LIN28B: variants seen among roughly 807,000 people sequenced by gnomAD.
The protein encoded by LIN28B is lin-28 RNA binding posttranscriptional regulator B, also known as protein lin-28 homolog B.
LIN28B carries 5 observed loss-of-function variants against 21.9 expected under a neutral mutation model. That is an observed-to-expected ratio of 0.23 (90% CI 0.12 to 0.48). The LOEUF (loss-of-function observed/expected upper bound fraction) is 0.48, where lower values mean the gene tolerates loss of function less well. LIN28B is among the 20% of genes least tolerant of loss of function. The pLI, the probability that LIN28B is intolerant of heterozygous loss-of-function variation, is 0.98. For missense variants in LIN28B, 245 were observed against 310.5 expected (o/e 0.79, Z 1.58); for synonymous variants, 109 against 111.3 (o/e 0.98, Z 0.13).
intron 2 of LIN28B, among the ~76,000 whole-genome samples, chr6:105,011,072 G>A (rs897155111): frequency 2.6e-5 from 4 of 152,130 alleles, no homozygotes; most frequent in African/African-American, 9.7e-5. Flanking sequence ...ACTCTCCTTT[G>A]TTCCAGAGTA....
At chr6:104,993,919 T>C (rs1311670480) in intron 2 of LIN28B, among the ~76,000 whole-genome samples, 2 of 152,110 alleles carry the variant, frequency 1.3e-5, no homozygotes, top group Non-Finnish European at 2.9e-5. Flanking sequence ...CCAATCATCT[T>C]AGAAAGTTAC....
At chr6:105,035,044 G>A (rs1771497761) in intron 3 of LIN28B, among the ~76,000 whole-genome samples, 1 of 151,654 alleles carries the variant, frequency 6.6e-6, no homozygotes, top group Non-Finnish European at 1.5e-5. Flanking sequence ...CATTATCTCA[G>A]TGGTATAATT....
chr6:105,020,155 C>G lies in LIN28B; in HGVS notation c.199-6143C>G, dbSNP rs1582899484. 2.1e-5 allele frequency among the ~76,000 whole-genome samples: 3 copies of G among 143,148 alleles called. No individual in the cohort carries two copies. The Admixed American group carries it at 2.1e-4, about 10-fold the overall frequency. 93.9% of individuals were successfully genotyped at this position (143,148 alleles called of 152,430 possible). ...TTGAGAATGGGTCTTGCTCTGTTGC[C>G]CAGGTTGGAGTGCAGTGGCGTAATC... On this transcript the variant is annotated intron_variant, in intron 2 of 3. Transcript: ENST00000345080.
At chr6:105,065,117 G>T (rs1772196948) in intron 3 of LIN28B, among the ~76,000 whole-genome samples, 1 of 152,066 alleles carries the variant, frequency 6.6e-6, no homozygotes, top group African/African-American at 2.4e-5. Flanking sequence ...GTATTCACAG[G>T]GTCACAGCCT....
chr6:105,068,178 T>A (rs1772255371), intron 3 of LIN28B, among the ~76,000 whole-genome samples: 1 of 152,090 alleles, frequency 6.6e-6, no homozygotes, highest in Non-Finnish European at 1.5e-5. Context: ...CAAAAACCAG[T>A]CAGGAGAAGA....
chr6:105,071,826 A>G (rs756217834), intron 3 of LIN28B, among the ~76,000 whole-genome samples: 6 of 152,254 alleles, frequency 3.9e-5, no homozygotes, highest in Non-Finnish European at 8.8e-5. Flanking sequence ...CACTGATTAT[A>G]TAGCATATCA....
intron 2 of LIN28B, among the ~76,000 whole-genome samples, chr6:104,995,462 G>A (rs1313578689): frequency 6.6e-6 from 1 of 152,144 alleles, no homozygotes; most frequent in African/African-American, 2.4e-5. Flanking sequence ...TTTTAGAAAT[G>A]TAAGTATGCA....
intron 2 of LIN28B, among the ~76,000 whole-genome samples, chr6:104,943,039 A>G (rs1386216851): frequency 6.6e-6 from 1 of 152,158 alleles, no homozygotes; most frequent in Non-Finnish European, 1.5e-5. Context: ...ATTAGTCAAG[A>G]TTTAAATTTA....
intron 3 of LIN28B, among the ~76,000 whole-genome samples, chr6:105,067,605 ACTAT>A (rs1311679258): frequency 1.3e-5 from 2 of 151,564 alleles, no homozygotes; most frequent in Non-Finnish European, 3.0e-5. Context: ...GCCAGAACAG[ACTAT>A]CTGTCTGAGA....
intron 3 of LIN28B, among the ~76,000 whole-genome samples, chr6:105,053,901 G>C (rs1490229673): frequency 6.6e-6 from 1 of 151,958 alleles, no homozygotes; most frequent in African/African-American, 2.4e-5. Flanking sequence ...CTGCCACCAC[G>C]CCCAGCTAAT....
At position 105,000,411 on chromosome 6, in the gene LIN28B, C is replaced by T. The variant is rs548445153; in HGVS notation, c.199-25887C>T. 2.0e-5 allele frequency among the ~76,000 whole-genome samples: 3 copies of T among 152,096 alleles called. No individual in the cohort carries two copies. The East Asian group carries it at 5.8e-4, about 29-fold the overall frequency. Reference sequence around the variant, plus strand: ...TTTCTGTTTTTCTTGTCTATATTTTCTAAAATGAATGGGTAGTATTTGTGA... The same window carrying T: ...TTTCTGTTTTTCTTGTCTATATTTTTTAAAATGAATGGGTAGTATTTGTGA... On this transcript the variant is annotated intron_variant, in intron 2 of 3. Coordinates refer to ENST00000345080, the MANE Select transcript of LIN28B (RefSeq NM_001004317.4).
chr6:105,059,074 C>T (rs1010941941), intron 3 of LIN28B, among the ~76,000 whole-genome samples: 33 of 152,050 alleles, frequency 2.2e-4, no homozygotes, highest in East Asian at 9.6e-4. Context: ...CTTTTGTATT[C>T]GTTTTATGTT....
chr6:105,030,954 C>T (rs1297660460), intron 3 of LIN28B, among the ~76,000 whole-genome samples: 1 of 151,854 alleles, frequency 6.6e-6, no homozygotes, highest in African/African-American at 2.4e-5. Flanking sequence ...TTATTTCCTT[C>T]TATTTTATTT....
chr6:104,937,510 C>T (rs992190859), intron 2 of LIN28B, among the ~76,000 whole-genome samples: 4 of 152,206 alleles, frequency 2.6e-5, no homozygotes, highest in African/African-American at 9.6e-5. Context: ...AGTGATCTGC[C>T]CGCCTCGGCC....
chr6:105,033,010 A>T (rs1008753410), intron 3 of LIN28B, among the ~76,000 whole-genome samples: 1 of 152,058 alleles, frequency 6.6e-6, no homozygotes, highest in Non-Finnish European at 1.5e-5. Context: ...TCAATCTCTT[A>T]AATATCTTTT....
chr6:105,018,402 A>G (rs1381610045), intron 2 of LIN28B, among the ~76,000 whole-genome samples: 2 of 152,144 alleles, frequency 1.3e-5, no homozygotes, highest in Non-Finnish European at 2.9e-5. Context: ...CCATCCTCAA[A>G]CATTGTATTA....
chr6:104,948,622 TA>T (rs1333663780), intron 2 of LIN28B, among the ~76,000 whole-genome samples: 1 of 152,232 alleles, frequency 6.6e-6, no homozygotes, highest in Non-Finnish European at 1.5e-5. Context: ...TTTAAAATTA[TA>T]AATATTTTAC....
Position 105,082,089 on chromosome 6 carries a change from T to A in LIN28B, c.*3306T>A, listed in dbSNP as rs221636. 125,673 of 152,564 alleles carry A rather than the reference T, an allele frequency of 0.82. 51,979 individuals are homozygous for A. Among genetic ancestry groups the A allele is most frequent in the Non-Finnish European group, 0.87 (58,974 of 68,000 alleles). The allele number at this position is 152,564 out of a possible 1,614,324, so 9.5% of individuals were successfully genotyped here. A position where few individuals can be genotyped will look rare whatever the true frequency, so the allele number is the denominator to read the frequency against. ...AGTCTCTTAGCCCTGTAAGCTGATC[T>A]TTTGCTACATGGCAGACTATAATGA... On this transcript the variant is annotated 3_prime_UTR_variant, in exon 4 of 4. Coordinates refer to ENST00000345080, the MANE Select transcript of LIN28B (RefSeq NM_001004317.4).
chr6:104,947,688 T>C lies in LIN28B; in HGVS notation c.19-2773T>C, dbSNP rs562340397. On this transcript the variant is annotated intron_variant, in intron 2 of 5. Transcript: ENST00000635857. ...ATATATGTATTTTATATTTGTAATA[T>C]ATGTATTTTATATTTATAAGAGATT... Among the ~76,000 whole-genome samples the C allele has an allele frequency of 1.7e-4, 25 of 151,402 alleles. No individual in the cohort carries two copies. The East Asian group carries it at 4.8e-3, about 29-fold the overall frequency.
Sources: allele counts gnomAD v4.1 joint callset (sites outside exome capture counted in the v4.1 genomes callset), GRCh38; gene constraint gnomAD v4.1.1; transcripts MANE v1.5; gene names NCBI Gene and HGNC (gene_info 2026-07-23, HGNC 2026-07-21).